ADAMTSL1: variants seen among roughly 807,000 people sequenced by gnomAD.
The protein encoded by ADAMTSL1 is ADAMTS like 1, also known as ADAMTS-like protein 1.
Under a neutral mutation model 201.8 loss-of-function variants are expected in ADAMTSL1, and 126 were observed. The ratio of observed to expected loss-of-function variants is 0.62; its 90% CI spans 0.54 to 0.72. ADAMTSL1 has a LOEUF of 0.72. ADAMTSL1 is among the 30% of genes least tolerant of loss of function. ADAMTSL1 has a pLI of 0.00. For missense variants in ADAMTSL1, 2,679 were observed against 2,277.8 expected, an observed-to-expected ratio of 1.18 and a Z score of -3.59; for synonymous variants, 1,121 against 903.4, an observed-to-expected ratio of 1.24 and a Z score of -4.32.
chr9:18,714,830 A>G (rs1043608604), intron 14 of ADAMTSL1, among the ~76,000 whole-genome samples: 6 of 151,830 alleles, frequency 4.0e-5, no homozygotes, highest in Non-Finnish European at 7.4e-5. Context: ...CTTGATGAAC[A>G]TTGATGCAAA....
intron 2 of ADAMTSL1, among the ~76,000 whole-genome samples, chr9:18,420,006 G>T (rs10810966): frequency 6.6e-6 from 1 of 151,942 alleles, no homozygotes; most frequent in Admixed American, 6.5e-5. Context: ...GGGATTACAG[G>T]TGTGAGCCAC....
intron 1 of ADAMTSL1, among the ~76,000 whole-genome samples, chr9:18,160,326 G>T (rs1827327278): frequency 2.6e-5 from 4 of 152,066 alleles, no homozygotes; most frequent in Admixed American, 1.3e-4. Flanking sequence ...GGACAAGAAG[G>T]TGTTCCTTAC....
chr9:17,931,707 G>T (rs1475276874), intron 1 of ADAMTSL1, among the ~76,000 whole-genome samples: 1 of 152,126 alleles, frequency 6.6e-6, no homozygotes, highest in East Asian at 1.9e-4. Context: ...TTATCAGAAA[G>T]TTGTGGCAGC....
chr9:18,866,115 C>CAAAAAAAAAAAAAAAAAAAAAAAAAA (rs1827521138), intron 23 of ADAMTSL1, among the ~76,000 whole-genome samples: 1 of 26,888 alleles, frequency 3.7e-5, no homozygotes, highest in African/African-American at 6.8e-4. Flanking sequence ...CCTTCAAAAA[C>CAAAAAAAAAAAAAAAAAAAAAAAAAA]CAAAAAAAAA....
At chr9:18,506,944 G>C (rs1388747493) in intron 2 of ADAMTSL1, among the ~76,000 whole-genome samples, 1 of 152,132 alleles carries the variant, frequency 6.6e-6, no homozygotes, top group South Asian at 2.1e-4. Flanking sequence ...CCAGTGCTTA[G>C]TATGGACTGA....
At chr9:18,717,929 A>G (rs1833056979) in intron 14 of ADAMTSL1, 3 of 1,269,138 alleles carry the variant, frequency 2.4e-6, no homozygotes, top group African/African-American at 1.5e-5. Context: ...GAATTGGACA[A>G]CAGTTCTTCA....
chr9:18,626,230 T>C (rs926768810), intron 5 of ADAMTSL1, among the ~76,000 whole-genome samples: 7 of 152,120 alleles, frequency 4.6e-5, no homozygotes, highest in African/African-American at 1.2e-4. Flanking sequence ...ACAAAATCCA[T>C]TTATCTTCCT....
intron 2 of ADAMTSL1, among the ~76,000 whole-genome samples, chr9:18,296,184 C>G (rs919588107): frequency 6.6e-6 from 1 of 152,182 alleles, no homozygotes; most frequent in Non-Finnish European, 1.5e-5. Flanking sequence ...GACAACTAGT[C>G]TCTTGAGCAA....
chr9:18,891,211 C>T (rs1829246474), intron 25 of ADAMTSL1, among the ~76,000 whole-genome samples: 1 of 152,244 alleles, frequency 6.6e-6, no homozygotes, highest in Non-Finnish European at 1.5e-5. Flanking sequence ...ACCTTTGACC[C>T]GTTTGCCTGC....
chr9:17,917,814 T>C lies in ADAMTSL1; in HGVS notation c.87+10892T>C, dbSNP rs111421812. On this transcript the variant is annotated intron_variant, in intron 1 of 29. Transcript: ENST00000680146. ...CCACCTGGACCTAAATTTTATTTGG[T>C]GTGAGAACTGTTTAATTACAAACTT... 7.5e-3 allele frequency among the ~76,000 whole-genome samples: 1,134 copies of C among 152,070 alleles called. 17 individuals carry two copies. Among genetic ancestry groups the C allele is most frequent in the African/African-American group, 0.026 (1,075 of 41,552 alleles).
chr9:18,834,894 C>T (rs1825216095), intron 23 of ADAMTSL1, among the ~76,000 whole-genome samples: 1 of 152,152 alleles, frequency 6.6e-6, no homozygotes, highest in Non-Finnish European at 1.5e-5. Flanking sequence ...TCGTTATTTT[C>T]AGTTTCTGGT....
chr9:18,003,442 G>T (rs1244224967), intron 1 of ADAMTSL1, among the ~76,000 whole-genome samples: 2 of 152,064 alleles, frequency 1.3e-5, no homozygotes, highest in African/African-American at 2.4e-5. Context: ...CTCCCGGCCA[G>T]TTCCAATGAT....
At chr9:18,786,342 A>T (rs1327496319) in intron 19 of ADAMTSL1, among the ~76,000 whole-genome samples, 2 of 152,202 alleles carry the variant, frequency 1.3e-5, no homozygotes, top group Non-Finnish European at 2.9e-5. Flanking sequence ...CACATCAGTT[A>T]ACACAAAGGG....
At chr9:18,876,775 C>G (rs1038585588) in intron 23 of ADAMTSL1, among the ~76,000 whole-genome samples, 13 of 152,240 alleles carry the variant, frequency 8.5e-5, no homozygotes, top group African/African-American at 2.2e-4. Flanking sequence ...GTTCTTTGAG[C>G]TTGTATTTGG....
chr9:18,669,339 A>G (rs1009904323), intron 9 of ADAMTSL1, among the ~76,000 whole-genome samples: 1 of 152,258 alleles, frequency 6.6e-6, no homozygotes, highest in Non-Finnish European at 1.5e-5. Flanking sequence ...ATTCATTAAT[A>G]CCAAGAATGT....
chr9:18,291,397 T>C (rs2132681849), intron 2 of ADAMTSL1, among the ~76,000 whole-genome samples: 1 of 152,296 alleles, frequency 6.6e-6, no homozygotes, highest in South Asian at 2.1e-4. Flanking sequence ...CATTTATTCA[T>C]TCACTCCATA....
At chr9:18,694,250 C>T (rs147417992) in intron 13 of ADAMTSL1, among the ~76,000 whole-genome samples, 21 of 152,202 alleles carry the variant, frequency 1.4e-4, no homozygotes, top group African/African-American at 5.1e-4. Context: ...AAATCTGAGC[C>T]ATATCATCCT....
At chr9:18,521,877 G>A (rs575297008) in intron 2 of ADAMTSL1, among the ~76,000 whole-genome samples, 4 of 152,118 alleles carry the variant, frequency 2.6e-5, no homozygotes, top group African/African-American at 4.8e-5. Flanking sequence ...AAACCCACAG[G>A]GATGGCTTGT....
At chr9:18,413,348 A>G (rs1184530768) in intron 2 of ADAMTSL1, among the ~76,000 whole-genome samples, 1 of 152,012 alleles carries the variant, frequency 6.6e-6, no homozygotes, top group Non-Finnish European at 1.5e-5. Flanking sequence ...TATTTTTAGT[A>G]GAGATGGGGT....
Sources: gnomAD v4.1 joint callset for allele counts (sites outside exome capture counted in the v4.1 genomes callset) on GRCh38, gnomAD v4.1.1 for gene constraint, MANE v1.5 for transcripts, NCBI Gene and HGNC (gene_info 2026-07-23, HGNC 2026-07-21) for gene names.